COL4A5: variants seen among roughly 807,000 people sequenced by gnomAD.
The protein encoded by COL4A5 is collagen alpha-5(IV) chain.
In COL4A5, 26 loss-of-function variants were observed where a neutral mutation model predicts 130.2. The ratio of observed to expected loss-of-function variants is 0.20; its 90% confidence interval spans 0.15 to 0.28. The LOEUF (loss-of-function observed/expected upper bound fraction) is 0.28. COL4A5 is among the 10% of genes least tolerant of loss of function. The probability of loss-of-function intolerance (pLI) is 1.00; values close to 1 mark genes in which losing one functional copy is unlikely to be tolerated. For synonymous variants in COL4A5, 496 were observed against 439.6 expected (o/e 1.13, Z -1.60); for missense variants, 1,131 against 1,344.3 (o/e 0.84, Z 2.48).
chrX:108,694,043 G>GTA (rs1556462295), intron 50 of COL4A5: 15 of 92,232 alleles, frequency 1.6e-4, no homozygotes, highest in South Asian at 4.2e-4. Flanking sequence ...GAATTTGGGT[G>GTA]TATGTGTGTG....
intron 1 of COL4A5, among the ~76,000 whole-genome samples, chrX:108,466,365 C>T (rs1005495621): frequency 8.9e-6 from 1 of 111,901 alleles, no homozygotes; most frequent in Non-Finnish European, 1.9e-5. Context: ...TCGCCACCAG[C>T]AAGGTATCAG....
At chrX:108,595,386 G>C (rs1603289222) in intron 21 of COL4A5, 123 bp from the exon 22 acceptor site, 2 of 581,541 alleles carry the variant, frequency 3.4e-6, no homozygotes, top group Middle Eastern at 4.0e-4. Flanking sequence ...CAGGATATAG[G>C]CTTCTCCAAT....
chrX:108,645,669 T>C (rs1407302537), intron 36 of COL4A5, among the ~76,000 whole-genome samples: 2 of 108,568 alleles, frequency 1.8e-5, no homozygotes, highest in African/African-American at 6.8e-5. Context: ...CATGTTGGTG[T>C]GCTGCACCCA....
intron 1 of COL4A5, among the ~76,000 whole-genome samples, chrX:108,489,132 T>C (rs758121030): frequency 2.7e-5 from 3 of 112,250 alleles, no homozygotes; most frequent in Non-Finnish European, 5.6e-5. Flanking sequence ...TCTTAAATTA[T>C]GGTCTGTTTA....
chrX:108,543,876 A>G (rs1011651474), intron 2 of COL4A5, among the ~76,000 whole-genome samples: 7 of 111,762 alleles, frequency 6.3e-5, no homozygotes, highest in African/African-American at 2.3e-4. Context: ...AGCAATTGTG[A>G]ATGGGAGTTC....
At chrX:108,496,703 A>C (rs1173887754) in intron 1 of COL4A5, among the ~76,000 whole-genome samples, 1 of 111,210 alleles carries the variant, frequency 9.0e-6, no homozygotes, top group Admixed American at 9.6e-5. Flanking sequence ...TCATGTTTTG[A>C]AGCTCTGTTA....
chrX:108,688,052 T>C (rs1396214523), intron 49 of COL4A5, among the ~76,000 whole-genome samples: 4 of 111,556 alleles, frequency 3.6e-5, no homozygotes, highest in Non-Finnish European at 7.5e-5. Flanking sequence ...TCCTGGGAGA[T>C]ACTTACCTCA....
intron 49 of COL4A5, chrX:108,689,541 C>G (rs2068611695): frequency 1.3e-6 from 1 of 754,311 alleles, no homozygotes; most frequent in African/African-American, 2.3e-5. Context: ...GTTTAGGCCT[C>G]AGACACAGGA....
chrX:108,620,729 A>T (rs958742718), intron 31 of COL4A5, among the ~76,000 whole-genome samples: 2 of 112,013 alleles, frequency 1.8e-5, no homozygotes, highest in African/African-American at 6.5e-5. Context: ...TGGTTCATTT[A>T]TCTCTAACCC....
At chrX:108,465,606 G>A (rs766406701) in intron 1 of COL4A5, among the ~76,000 whole-genome samples, 2 of 111,636 alleles carry the variant, frequency 1.8e-5, no homozygotes, top group African/African-American at 3.2e-5. Flanking sequence ...TTTATGAAGC[G>A]CAGCTTATCA....
chrX:108,665,689 A>T, intron 38 of COL4A5, 102 bp downstream of exon 38: 1 of 572,763 alleles, frequency 1.7e-6, no homozygotes, highest in Non-Finnish European at 3.0e-6. Context: ...TTTTCAACAC[A>T]AGGAAATATA....
At chrX:108,516,079 G>A (rs2065218123) in intron 1 of COL4A5, among the ~76,000 whole-genome samples, 1 of 111,896 alleles carries the variant, frequency 8.9e-6, no homozygotes. Flanking sequence ...TTTCTATTGT[G>A]AGTTCCAGAT....
rs370327284 is a variant in COL4A5 at position 108,692,752 on chromosome X, G to T, written c.4533G>T (p.Thr1511=). ...TTTCTCTCCAAATCTTTCTAGGGAC[G>T]GCTGGCAGCTGCCTTCGTCGCTTTA... ...NKRAHGQDLG[T]AGSCLRRFST... is the part of the protein sequence containing the mutation. Residue 1511 remains threonine, a synonymous_variant, in exon 50 of 53, where the codon ACG becomes ACT. Transcript: ENST00000328300. 16 of 1,210,773 alleles carry T rather than the reference G, an allele frequency of 1.3e-5. No homozygotes were observed. The highest frequency in any genetic ancestry group is 1.8e-5 in the Non-Finnish European group (16 of 894,722).
chrX:108,668,042 G>A (rs1170352600), intron 40 of COL4A5, among the ~76,000 whole-genome samples: 1 of 111,542 alleles, frequency 9.0e-6, no homozygotes, highest in Admixed American at 9.5e-5. Flanking sequence ...AGCTATTGGT[G>A]ATGTATCATT....
At chrX:108,577,389 A>AAAAAAAAG (rs2066170903) in intron 10 of COL4A5, among the ~76,000 whole-genome samples, 1 of 106,521 alleles carries the variant, frequency 9.4e-6, no homozygotes, top group African/African-American at 3.4e-5. Flanking sequence ...AAAAAAAAAA[A>AAAAAAAAG]AAAGAAAGAA....
chrX:108,505,585 A>T (rs1312069554), intron 1 of COL4A5, among the ~76,000 whole-genome samples: 1 of 111,469 alleles, frequency 9.0e-6, no homozygotes, highest in Non-Finnish European at 1.9e-5. Flanking sequence ...TAGTGTCCTT[A>T]TAAAAAGAGA....
At chrX:108,500,438 A>G (rs2065069964) in intron 1 of COL4A5, among the ~76,000 whole-genome samples, 1 of 112,340 alleles carries the variant, frequency 8.9e-6, no homozygotes, top group Non-Finnish European at 1.9e-5. Context: ...AGAGCATTGA[A>G]GGCTACGCAA....
intron 29 of COL4A5, among the ~76,000 whole-genome samples, chrX:108,614,365 C>CA (rs761337943): frequency 1.1e-4 from 12 of 111,024 alleles, no homozygotes; most frequent in African/African-American, 3.9e-4. Context: ...ATACCTTTGT[C>CA]AAAACTCATC....
At chrX:108,556,434 C>T (rs1350189633) in intron 2 of COL4A5, among the ~76,000 whole-genome samples, 5 of 110,294 alleles carry the variant, frequency 4.5e-5, no homozygotes, top group Non-Finnish European at 9.5e-5. Context: ...TTTAGATTCC[C>T]GGGTAAAGAG....
Sources: allele counts gnomAD v4.1 joint callset (sites outside exome capture counted in the v4.1 genomes callset), GRCh38; gene constraint gnomAD v4.1.1; transcripts MANE v1.5; gene names NCBI Gene and HGNC (gene_info 2026-07-23, HGNC 2026-07-21).